Variants in PRNP observed in about 807,000 individuals in gnomAD.
PRNP encodes prion protein (Kanno blood group).
PRNP carries 15 observed loss-of-function variants against 21.3 expected under a neutral mutation model. That is an observed-to-expected ratio of 0.71 (90% confidence interval 0.47 to 1.09). The LOEUF (loss-of-function observed/expected upper bound fraction) is 1.09. Among genes scored for constraint, PRNP ranks in the 50% least tolerant of loss-of-function variants. PRNP has a pLI of 0.00. For synonymous variants in PRNP, 121 were observed against 123.1 expected (o/e 0.98, Z 0.11); for missense variants, 285 against 340.9 (o/e 0.84, Z 1.29).
At position 4,699,091 on chromosome 20, in the gene PRNP, G is replaced by A. The variant is rs1479597108; in HGVS notation, c.-10-120G>A. The A allele has an allele frequency of 3.3e-6, 4 of 1,207,858 alleles. No individual in the cohort carries two copies. The highest frequency in any genetic ancestry group is 1.9e-5 in the Admixed American group (1 of 53,334). 74.8% of individuals were successfully genotyped at this position (1,207,858 alleles called of 1,614,324 possible). ...TAAGTGCTTCAGAGAAGTACAGGGT[G>A]GCAACAGTGTTTCTACTGAGCAGCT... On this transcript the variant is annotated intron_variant, in intron 1 of 1. Coordinates refer to ENST00000379440, the MANE Select transcript of PRNP (RefSeq NM_000311.5). This position sits in a 1 kb window ranked among gnomAD's most constrained non-coding sequence, Gnocchi z 5.8.
chr20:4,696,651 G>A (rs971356924), intron 1 of PRNP, among the ~76,000 whole-genome samples: 2 of 152,178 alleles, frequency 1.3e-5, no homozygotes, highest in African/African-American at 4.8e-5. Flanking sequence ...CCATGACAAT[G>A]GATGTCCCTG....
At chr20:4,689,989 C>T (rs1211094973) in intron 1 of PRNP, among the ~76,000 whole-genome samples, 1 of 152,184 alleles carries the variant, frequency 6.6e-6, no homozygotes, top group African/African-American at 2.4e-5. Context: ...AATCCCATCG[C>T]TAGGCACTCT....
chr20:4,687,712 T>C (rs531615936), intron 1 of PRNP, among the ~76,000 whole-genome samples: 35 of 152,222 alleles, frequency 2.3e-4, no homozygotes, highest in Non-Finnish European at 4.1e-4. Flanking sequence ...GTTTCACTGC[T>C]GTAATGATGA....
intron 1 of PRNP, among the ~76,000 whole-genome samples, chr20:4,687,257 C>T (rs1172692837): frequency 6.6e-6 from 1 of 151,998 alleles, no homozygotes; most frequent in Non-Finnish European, 1.5e-5. Flanking sequence ...GGGCCTCGGG[C>T]CTCGGCGGGG....
intron 1 of PRNP, among the ~76,000 whole-genome samples, chr20:4,687,696 A>G (rs1921565468): frequency 6.6e-6 from 1 of 152,162 alleles, no homozygotes; most frequent in Admixed American, 6.5e-5. Flanking sequence ...CACACAACAC[A>G]GTGCAGTTTC....
intron 1 of PRNP, among the ~76,000 whole-genome samples, chr20:4,689,651 T>C (rs1480695786): frequency 2.6e-5 from 4 of 152,216 alleles, no homozygotes; most frequent in Admixed American, 2.6e-4. Context: ...CCAAGGCAAC[T>C]ATATCCACTG....
rs1184578018 is a variant in PRNP, at chr20:4,697,208, G to A, written c.-10-2003G>A. On this transcript the variant is annotated intron_variant, in intron 1 of 1. Transcript: ENST00000379440. The surrounding 1 kb of genome is among the most constrained non-coding windows in gnomAD (Gnocchi z 4.6). Reference sequence around the variant, plus strand: ...TTTGTATATCCATTATAAATATTTAGTATTTAGTTTGATTATTCCTTATGC... The same window carrying A: ...TTTGTATATCCATTATAAATATTTAATATTTAGTTTGATTATTCCTTATGC... 6.6e-6 allele frequency among the ~76,000 whole-genome samples: 1 copy of A among 152,156 alleles called. No homozygotes were observed. Among genetic ancestry groups the A allele is most frequent in the Non-Finnish European group, 1.5e-5 (1 of 68,042 alleles).
chr20:4,690,476 C>A (rs1921752880), intron 1 of PRNP, among the ~76,000 whole-genome samples: 1 of 152,068 alleles, frequency 6.6e-6, no homozygotes, highest in South Asian at 2.1e-4. Flanking sequence ...TTTTTTAGTA[C>A]CCTCTCTCTA....
chr20:4,698,611 AAGAG>A (rs1408131878), intron 1 of PRNP, among the ~76,000 whole-genome samples: 4 of 152,154 alleles, frequency 2.6e-5, no homozygotes, highest in Non-Finnish European at 5.9e-5. Context: ...AAAAAGGAGA[AAGAG>A]AGAGAGAAAA....
In PRNP at chr20:4,699,560, G is replaced by C. The variant is rs11538769; in HGVS notation, c.340G>C (p.Gly114Arg). ...AAAAACCAACATGAAGCACATGGCT[G>C]GTGCTGCAGCAGCTGGGGCAGTGGT... Reference protein sequence around the residue: ...KPKTNMKHMAGAAAAGAVVGG... With the variant: ...KPKTNMKHMARAAAAGAVVGG... Residue 114 changes from glycine to arginine, a missense_variant, in exon 2 of 2, where the codon GGT becomes CGT. Physicochemically the swap from Gly to Arg is moderately radical, Grantham distance 125. Coordinates refer to ENST00000379440, the MANE Select transcript of PRNP (RefSeq NM_000311.5). This position sits in a 1 kb window ranked among gnomAD's most constrained non-coding sequence, Gnocchi z 5.8. 6.2e-7 allele frequency: 1 copy of C among 1,614,040 alleles called. No homozygotes were observed. The highest frequency in any genetic ancestry group is 8.5e-7 in the Non-Finnish European group (1 of 1,179,932).
intron 1 of PRNP, among the ~76,000 whole-genome samples, chr20:4,687,329 C>T (rs1921529048): frequency 6.6e-6 from 1 of 152,128 alleles, no homozygotes; most frequent in African/African-American, 2.4e-5. Context: ...AGCTGCAGGT[C>T]TGCGGCCTGG....
In PRNP at chr20:4,699,782, A is replaced by G. The variant is rs1219043209; in HGVS notation, c.562A>G (p.Thr188Ala). 12 of 1,614,018 alleles carry G rather than the reference A, an allele frequency of 7.4e-6. No homozygotes were observed. Among genetic ancestry groups the G allele is most frequent in the Non-Finnish European group, 1.0e-5 (12 of 1,180,010 alleles). The change falls in exon 2 of 2, where the codon ACG becomes GCG. Residue 188 changes from threonine to alanine, a missense_variant. By Grantham distance (58) the Thr-to-Ala change is moderately conservative. Coordinates refer to ENST00000379440, the MANE Select transcript of PRNP (RefSeq NM_000311.5). This position sits in a 1 kb window ranked among gnomAD's most constrained non-coding sequence, Gnocchi z 5.8. ...DCVNITIKQHTVTTTTKGENF... is the reference protein window; with the variant it reads ...DCVNITIKQHAVTTTTKGENF... ...CGTCAATATCACAATCAAGCAGCAC[A>G]CGGTCACCACAACCACCAAGGGGGA... is the stretch of plus-strand genomic sequence containing the variant.
chr20:4,687,072 C>A (rs1921494597), intron 1 of PRNP, among the ~76,000 whole-genome samples: 1 of 152,094 alleles, frequency 6.6e-6, no homozygotes, highest in African/African-American at 2.4e-5. Flanking sequence ...GAGAGGGGCG[C>A]CCGCCGGGGG....
rs1282093977 is a variant in PRNP at position 4,690,341 on chromosome 20, G to GT, written c.-11+3830dup. Among the ~76,000 whole-genome samples the GT allele has an allele frequency of 2.0e-5, 3 of 152,290 alleles. No individual in the cohort carries two copies. The East Asian group carries it at 5.8e-4, about 29-fold the overall frequency. ...GTGTTTTATGGGCTAGAAGGCTTTA[G>GT]TGCCTATATTTGGATCTCAGCTCCA... On this transcript the variant is annotated intron_variant, in intron 1 of 1. Transcript: ENST00000379440.
intron 1 of PRNP, among the ~76,000 whole-genome samples, chr20:4,690,126 C>A (rs139290521): frequency 1.3e-5 from 2 of 152,104 alleles, no homozygotes; most frequent in African/African-American, 4.8e-5. Context: ...CAGTGAGAAA[C>A]CCCTACCCCC....
In PRNP at chr20:4,699,225, C is replaced by A; in HGVS notation, c.5C>A (p.Ala2Glu). Residue 2 changes from alanine to glutamate, a missense_variant, in exon 2 of 2, where the codon GCG becomes GAG. Physicochemically the swap from Ala to Glu is moderately radical, Grantham distance 107 (BLOSUM62 -1). Transcript: ENST00000379440. The surrounding 1 kb of genome is among the most constrained non-coding windows in gnomAD (Gnocchi z 5.8). M[A>E]NLGCWMLVLF... ...TCATTTTGCAGAGCAGTCATTATGG[C>A]GAACCTTGGCTGCTGGATGCTGGTT... 1 of 1,614,030 alleles carries A rather than the reference C, an allele frequency of 6.2e-7. No individual in the cohort carries two copies. The highest frequency in any genetic ancestry group is 8.5e-7 in the Non-Finnish European group (1 of 1,180,040).
rs1420473075 is a variant in PRNP at position 4,686,810 on chromosome 20, C to G, written c.-11+298C>G. On this transcript the variant is annotated intron_variant, in intron 1 of 1. Coordinates refer to ENST00000379440, the MANE Select transcript of PRNP (RefSeq NM_000311.5). This position sits in a 1 kb window ranked among gnomAD's most constrained non-coding sequence, Gnocchi z 6.7. ...GGAGCCCCGTTAGGGAGGTCGGTGG[C>G]GCCGGGGTGTCTCAGCGCCCCCTGC... is the stretch of plus-strand genomic sequence containing the variant. 6.6e-6 allele frequency: 1 copy of G among 151,596 alleles called. No homozygotes were observed. The highest frequency in any genetic ancestry group is 2.4e-5 in the African/African-American group (1 of 41,322). 9.4% of individuals were successfully genotyped at this position (151,596 alleles called of 1,614,324 possible). A position where few individuals can be genotyped will look rare whatever the true frequency, so the allele number is the denominator to read the frequency against.
chr20:4,697,522 A>G lies in PRNP; in HGVS notation c.-10-1689A>G, dbSNP rs1261695630. On this transcript the variant is annotated intron_variant, in intron 1 of 1. Coordinates refer to ENST00000379440, the MANE Select transcript of PRNP (RefSeq NM_000311.5). The surrounding 1 kb of genome is among the most constrained non-coding windows in gnomAD (Gnocchi z 4.6). ...GCCCCACTGAGCAAACTTTAGCCAC[A>G]TGAGTAGCTGGAAGAAAAGCCTTCT... Among the ~76,000 whole-genome samples the G allele has an allele frequency of 1.3e-5, 2 of 152,230 alleles. No homozygotes were observed. Among genetic ancestry groups the G allele is most frequent in the Non-Finnish European group, 2.9e-5 (2 of 68,036 alleles).
intron 1 of PRNP, among the ~76,000 whole-genome samples, chr20:4,693,021 GT>G (rs1921928779): frequency 6.6e-6 from 1 of 152,144 alleles, no homozygotes; most frequent in African/African-American, 2.4e-5. Flanking sequence ...TCTCATAGGT[GT>G]GGCAAAGTTT....
Sources: gnomAD v4.1 joint callset for allele counts (sites outside exome capture counted in the v4.1 genomes callset) on GRCh38, gnomAD v4.1.1 for gene constraint, Gnocchi (gnomAD v3.1) non-coding constraint, MANE v1.5 for transcripts, NCBI Gene and HGNC (gene_info 2026-07-23, HGNC 2026-07-21) for gene names.